CCDC141: variants seen among roughly 807,000 people sequenced by gnomAD.
The protein encoded by CCDC141 is coiled-coil domain containing 141, also known as coiled-coil domain-containing protein 141.
A neutral mutation model predicts 181.0 loss-of-function variants in CCDC141; 168 were observed. That is an observed-to-expected ratio of 0.93 (90% CI 0.82 to 1.05). The LOEUF (loss-of-function observed/expected upper bound fraction) is 1.05. Ranked by LOEUF, CCDC141 falls within the 50% of genes least tolerant of loss-of-function variation. The pLI is 0.00. For synonymous variants in CCDC141, 666 were observed against 642.3 expected (o/e 1.04, Z -0.56); for missense variants, 1,902 against 1,788.5 (o/e 1.06, Z -1.14).
In CCDC141 at chr2:178,878,142, AC is replaced by A. The variant is rs1686430218; in HGVS notation, c.1720del (p.Val574Ter). ...TTTTAAGCTCTGAAACTGCATCTCT[AC>A]CTAAAAAAGAAAAAAGAGAGTTAAG... The part of the protein sequence containing the change: ...YVAFLKSSEE[V>X]EMQFQSLKEF... On this transcript the variant is annotated frameshift_variant and splice_region_variant, in exon 12 of 24. Coordinates refer to ENST00000443758, the MANE Select transcript of CCDC141 (RefSeq NM_173648.4). LOFTEE classifies it high-confidence loss of function. The A allele has an allele frequency of 2.5e-6, 4 of 1,587,774 alleles. No homozygotes were observed. The South Asian group carries it at 4.7e-5, about 19-fold the overall frequency.
chr2:178,980,610 C>T (rs1691334168), intron 2 of CCDC141, among the ~76,000 whole-genome samples: 1 of 152,138 alleles, frequency 6.6e-6, no homozygotes, highest in African/African-American at 2.4e-5. Flanking sequence ...CCTTGCTCTA[C>T]CCCTCCTGGG....
chr2:178,861,090 C>T (rs746257709), intron 17 of CCDC141, among the ~76,000 whole-genome samples: 3 of 151,950 alleles, frequency 2.0e-5, no homozygotes, highest in Non-Finnish European at 4.4e-5. Context: ...ATGGGGCCCA[C>T]TAGAGGAATG....
At chr2:178,888,091 T>G (rs1686970815) in intron 9 of CCDC141, among the ~76,000 whole-genome samples, 1 of 152,166 alleles carries the variant, frequency 6.6e-6, no homozygotes, top group Admixed American at 6.5e-5. Flanking sequence ...AATTTATTCC[T>G]TGAAAAACCT....
intron 21 of CCDC141, among the ~76,000 whole-genome samples, chr2:178,848,675 G>A (rs1033130453): frequency 6.6e-6 from 1 of 152,110 alleles, no homozygotes; most frequent in East Asian, 1.9e-4. Context: ...CAACGTAAAC[G>A]GGAGGAATAT....
chr2:179,048,101 G>T (rs1373486320), intron 1 of CCDC141, among the ~76,000 whole-genome samples: 1 of 152,172 alleles, frequency 6.6e-6, no homozygotes, highest in Non-Finnish European at 1.5e-5. Context: ...ATTTGTCATT[G>T]CATTTCCTGA....
intron 6 of CCDC141, among the ~76,000 whole-genome samples, chr2:178,921,634 T>C (rs374680758): frequency 6.6e-6 from 1 of 152,212 alleles, no homozygotes; most frequent in Non-Finnish European, 1.5e-5. Context: ...TAGAGGAAAG[T>C]GTGGTGTGGA....
At chr2:179,014,627 T>C (rs1325595283) in intron 2 of CCDC141, among the ~76,000 whole-genome samples, 1 of 152,004 alleles carries the variant, frequency 6.6e-6, no homozygotes, top group Non-Finnish European at 1.5e-5. Flanking sequence ...GCATACACAA[T>C]TCTCAAAAGA....
rs1410196973 is a variant in CCDC141 at position 178,908,006 on chromosome 2, T to TA, written c.1093-2506dup. Among the ~76,000 whole-genome samples the TA allele has an allele frequency of 5.3e-3, 745 of 140,212 alleles. 9 individuals carry two copies. Among genetic ancestry groups the TA allele is most frequent in the African/African-American group, 0.017 (665 of 38,316 alleles). The allele number at this position is 140,212 out of a possible 152,430, so 92.0% of individuals were successfully genotyped here. A position where few individuals can be genotyped will look rare whatever the true frequency, so the allele number is the denominator to read the frequency against. ...AAGAGTGAAACTCCGTCTCAAAAAA[T>TA]AAAAAAAAAAATAAACAATGAAACA... On this transcript the variant is annotated intron_variant, in intron 7 of 23. Transcript: ENST00000443758.
chr2:178,881,779 A>G (rs1352508939), intron 11 of CCDC141, among the ~76,000 whole-genome samples: 1 of 152,040 alleles, frequency 6.6e-6, no homozygotes, highest in Non-Finnish European at 1.5e-5. Context: ...CTGTAGTCCC[A>G]GCTACCTGGG....
At chr2:178,878,753 GA>G (rs1264225664) in intron 11 of CCDC141, among the ~76,000 whole-genome samples, 2 of 152,066 alleles carry the variant, frequency 1.3e-5, no homozygotes, top group East Asian at 3.8e-4. Context: ...ACTAATTATT[GA>G]AGCCAAAATC....
Position 178,978,660 on chromosome 2 carries a change from C to A in CCDC141, c.241G>T (p.Val81Leu). 6.5e-7 allele frequency: 1 copy of A among 1,540,292 alleles called. No individual in the cohort carries two copies. The highest frequency in any genetic ancestry group is 1.2e-5 in the South Asian group (1 of 82,454). Residue 81 changes from valine (V) to leucine (L), a missense_variant, in exon 3 of 24, where the codon GTA becomes TTA. Coordinates refer to ENST00000443758, the MANE Select transcript of CCDC141 (RefSeq NM_173648.4). The stretch of plus-strand genomic sequence containing the variant: ...TCTGCTTCCTGCAAGAGTTCCCATA[C>A]CCGATCTTCCAAAGCCTAAGTACAA... Reference protein sequence around the residue: ...LAKLKALEDRVWELLQEADKT... With the variant: ...LAKLKALEDRLWELLQEADKT...
intron 23 of CCDC141, chr2:178,835,911 AAATAATTTGAG>A (rs1208546185): frequency 1.3e-5 from 2 of 152,656 alleles, no homozygotes; most frequent in African/African-American, 2.4e-5. Flanking sequence ...GCAGTTTTTT[AAATAATTTGAG>A]AAACCAAAGT....
At chr2:178,852,079 T>C (rs1294838084) in intron 20 of CCDC141, among the ~76,000 whole-genome samples, 4 of 152,182 alleles carry the variant, frequency 2.6e-5, no homozygotes, top group Non-Finnish European at 2.9e-5. Context: ...CATTAGACAG[T>C]GAACTAACAA....
chr2:178,901,481 T>G lies in CCDC141; in HGVS notation c.1265+3848A>C, dbSNP rs181317730. 1.5e-4 allele frequency among the ~76,000 whole-genome samples: 23 copies of G among 152,194 alleles called. No individual in the cohort carries two copies. In the East Asian group the frequency reaches 2.7e-3, roughly 18 times the overall value. On this transcript the variant is annotated intron_variant, in intron 8 of 23. Coordinates refer to ENST00000443758, the MANE Select transcript of CCDC141 (RefSeq NM_173648.4). ...GCAAATCAATAAATGTAATCCAGCATATAAACAGAGCCAAAGACAAAAAGC... is the reference window on the plus strand; with the variant it reads ...GCAAATCAATAAATGTAATCCAGCAGATAAACAGAGCCAAAGACAAAAAGC...
intron 2 of CCDC141, among the ~76,000 whole-genome samples, chr2:179,021,167 A>T (rs2154385780): frequency 6.6e-6 from 1 of 152,300 alleles, no homozygotes; most frequent in African/African-American, 2.4e-5. Flanking sequence ...TTTCACTAAG[A>T]AGTAGGTTGT....
At chr2:179,048,508 T>C (rs1463311333) in intron 1 of CCDC141, among the ~76,000 whole-genome samples, 1 of 152,216 alleles carries the variant, frequency 6.6e-6, no homozygotes, top group African/African-American at 2.4e-5. Flanking sequence ...TATCCTCTAA[T>C]ATTATTCCTC....
At chr2:178,871,858 C>T (rs1686133824) in intron 13 of CCDC141, among the ~76,000 whole-genome samples, 1 of 152,190 alleles carries the variant, frequency 6.6e-6, no homozygotes, top group South Asian at 2.1e-4. Flanking sequence ...TCACCACCAA[C>T]CACCTCCAGA....
At chr2:178,881,737 C>CA (rs915829515) in intron 11 of CCDC141, among the ~76,000 whole-genome samples, 1 of 151,714 alleles carries the variant, frequency 6.6e-6, no homozygotes, top group East Asian at 1.9e-4. Context: ...AAAAAAAATA[C>CA]AAAAAAATTA....
Position 178,988,138 on chromosome 2 carries a change from A to C in CCDC141, c.226-9463T>G, listed in dbSNP as rs1360272279. Among the ~76,000 whole-genome samples, 35 of 152,266 alleles carry C rather than the reference A, an allele frequency of 2.3e-4. 1 individual carries two copies. The highest frequency in any genetic ancestry group is 6.0e-4 in the African/African-American group (25 of 41,568). On this transcript the variant is annotated intron_variant, in intron 2 of 23. Transcript: ENST00000443758. ...TATACACCATGGAATACTATGCAGCAATAAAAAATGATGAGTTCATTTCCT... is the reference window on the plus strand; with the variant it reads ...TATACACCATGGAATACTATGCAGCCATAAAAAATGATGAGTTCATTTCCT...
Sources: allele counts gnomAD v4.1 joint callset (sites outside exome capture counted in the v4.1 genomes callset), GRCh38; gene constraint gnomAD v4.1.1; transcripts MANE v1.5; gene names NCBI Gene and HGNC (gene_info 2026-07-23, HGNC 2026-07-21).